The following SFMBT2 variants were observed in gnomAD, a reference collection of about 807,000 sequenced individuals.
SFMBT2 encodes Scm like with four mbt domains 2.
In SFMBT2, 38 loss-of-function variants were observed where a neutral mutation model predicts 110.1. The observed-to-expected ratio is 0.35, with a 90% CI of 0.27 to 0.45. The LOEUF is 0.45. Ranked by LOEUF, SFMBT2 falls within the 20% of genes least tolerant of loss-of-function variation. The pLI, the probability that SFMBT2 is intolerant of heterozygous loss-of-function variation, is 1.00. For synonymous variants in SFMBT2, 425 were observed against 425.4 expected (o/e 1.00, Z 0.01); for missense variants, 1,011 against 1,094.9 (o/e 0.92, Z 1.08).
intron 9 of SFMBT2, among the ~76,000 whole-genome samples, chr10:7,236,045 G>C (rs1349859051): frequency 6.6e-6 from 1 of 152,080 alleles, no homozygotes; most frequent in Non-Finnish European, 1.5e-5. Context: ...TTTTGAGACA[G>C]TTTAGAAAGG....
intron 15 of SFMBT2, among the ~76,000 whole-genome samples, chr10:7,195,251 T>C (rs181741345): frequency 1.3e-5 from 2 of 152,330 alleles, no homozygotes; most frequent in East Asian, 1.9e-4. Flanking sequence ...TCTGTTTGGA[T>C]TGAGTTTAGT....
At chr10:7,166,183 T>C (rs1365921126) in intron 20 of SFMBT2, among the ~76,000 whole-genome samples, 1 of 152,248 alleles carries the variant, frequency 6.6e-6, no homozygotes, top group Non-Finnish European at 1.5e-5. Flanking sequence ...AGAACTTATT[T>C]TACTTTCCCA....
In SFMBT2 at chr10:7,171,631, C is replaced by A; in HGVS notation, c.2415+264G>T. 4.2e-6 allele frequency: 4 copies of A among 948,500 alleles called. No homozygotes were observed. Among genetic ancestry groups the A allele is most frequent in the Non-Finnish European group, 5.0e-6 (4 of 796,462 alleles). The allele number at this position is 948,500 out of a possible 1,614,324, so 58.8% of individuals were successfully genotyped here. On this transcript the variant is annotated intron_variant, in intron 19 of 20. Transcript: ENST00000397167. This position sits in a 1 kb window ranked among gnomAD's most constrained non-coding sequence, Gnocchi z 4.9. Reference sequence around the variant, plus strand: ...CAAAGGAAACTGAGGACTGTGCCCTCCTCCTGACAAGAACCCAGGTGGCAC... The same window carrying A: ...CAAAGGAAACTGAGGACTGTGCCCTACTCCTGACAAGAACCCAGGTGGCAC...
At chr10:7,313,345 A>C (rs1187430647) in intron 4 of SFMBT2, among the ~76,000 whole-genome samples, 1 of 152,210 alleles carries the variant, frequency 6.6e-6, no homozygotes, top group Admixed American at 6.5e-5. Context: ...ACATATCCAT[A>C]CTGCACAGAA....
chr10:7,386,231 C>G (rs1845600768), intron 1 of SFMBT2, among the ~76,000 whole-genome samples: 1 of 152,160 alleles, frequency 6.6e-6, no homozygotes, highest in African/African-American at 2.4e-5. Context: ...TTAAAGAACA[C>G]AACTCCATCT....
chr10:7,348,531 C>A (rs1844194786), intron 4 of SFMBT2, among the ~76,000 whole-genome samples: 1 of 152,144 alleles, frequency 6.6e-6, no homozygotes, highest in Admixed American at 6.5e-5. Flanking sequence ...TTAGGAAAAC[C>A]TTCAAAATCA....
intron 7 of SFMBT2, 36 bp from the exon 8 acceptor site, chr10:7,248,685 G>T (rs1402253479): frequency 1.3e-6 from 2 of 1,595,338 alleles, no homozygotes; most frequent in Admixed American, 3.4e-5. Context: ...GAAAGCCACG[G>T]TATTGTAAAT....
intron 4 of SFMBT2, among the ~76,000 whole-genome samples, chr10:7,336,767 T>C (rs1441679937): frequency 6.6e-6 from 1 of 151,996 alleles, no homozygotes; most frequent in Non-Finnish European, 1.5e-5. Context: ...GTAACAAATT[T>C]ATGAGAAGGT....
intron 4 of SFMBT2, among the ~76,000 whole-genome samples, chr10:7,366,941 G>C (rs567910306): frequency 1.6e-4 from 24 of 152,242 alleles, no homozygotes; most frequent in African/African-American, 5.1e-4. Context: ...GGTGTCCCCT[G>C]GGGGGTAAAA....
intron 2 of SFMBT2, among the ~76,000 whole-genome samples, chr10:7,379,398 TA>T (rs1386754449): frequency 6.6e-6 from 1 of 150,760 alleles, no homozygotes; most frequent in Non-Finnish European, 1.5e-5. Flanking sequence ...GAATCATACT[TA>T]ATAGTTTGAA....
At chr10:7,267,025 T>A (rs1841416280) in intron 7 of SFMBT2, among the ~76,000 whole-genome samples, 1 of 152,224 alleles carries the variant, frequency 6.6e-6, no homozygotes, top group African/African-American at 2.4e-5. Flanking sequence ...GTGTCTAAAC[T>A]GTGTGTACAA....
At chr10:7,213,338 A>G (rs1839416123) in intron 11 of SFMBT2, among the ~76,000 whole-genome samples, 1 of 152,216 alleles carries the variant, frequency 6.6e-6, no homozygotes, top group Non-Finnish European at 1.5e-5. Flanking sequence ...TCAAAGCCCC[A>G]TGAAGAGGGC....
chr10:7,218,102 A>T (rs1278757144), intron 11 of SFMBT2, among the ~76,000 whole-genome samples: 2 of 152,258 alleles, frequency 1.3e-5, no homozygotes, highest in Admixed American at 6.5e-5. Context: ...CTTCAAATCA[A>T]TTTAATGCAC....
intron 9 of SFMBT2, among the ~76,000 whole-genome samples, chr10:7,230,467 T>C (rs934431708): frequency 1.2e-4 from 18 of 152,190 alleles, no homozygotes; most frequent in African/African-American, 4.3e-4. Context: ...TGTAGAAGAA[T>C]TAGCCTCAAG....
At chr10:7,366,931 G>T (rs764963073) in intron 4 of SFMBT2, among the ~76,000 whole-genome samples, 29 of 152,184 alleles carry the variant, frequency 1.9e-4, no homozygotes, top group Non-Finnish European at 3.7e-4. Flanking sequence ...GATATTGCCA[G>T]GTGTCCCCTG....
chr10:7,162,962 G>A lies in SFMBT2; in HGVS notation c.*808C>T. 6.5e-6 allele frequency: 1 copy of A among 152,774 alleles called. No individual in the cohort carries two copies. Among genetic ancestry groups the A allele is most frequent in the African/African-American group, 2.4e-5 (1 of 41,552 alleles). 9.5% of individuals were successfully genotyped at this position (152,774 alleles called of 1,614,324 possible). On this transcript the variant is annotated 3_prime_UTR_variant, in exon 21 of 21. Transcript: ENST00000397167. ...TACCAAAAATACAAAAATTAGCCAG[G>A]CATGGTGGTGGGTGCCTGTAATCCC...
intron 4 of SFMBT2, among the ~76,000 whole-genome samples, chr10:7,350,938 G>T (rs1216097764): frequency 1.3e-5 from 2 of 152,202 alleles, no homozygotes; most frequent in Non-Finnish European, 2.9e-5. Flanking sequence ...TGGATCTGTG[G>T]ATGGGGCTAT....
intron 4 of SFMBT2, among the ~76,000 whole-genome samples, chr10:7,363,942 C>T (rs1406819317): frequency 6.6e-6 from 1 of 152,008 alleles, no homozygotes; most frequent in Non-Finnish European, 1.5e-5. Flanking sequence ...TCATATTCTG[C>T]GGTGCCTTTC....
chr10:7,348,968 T>C (rs769091350), intron 4 of SFMBT2, among the ~76,000 whole-genome samples: 1 of 152,124 alleles, frequency 6.6e-6, no homozygotes, highest in Non-Finnish European at 1.5e-5. Context: ...AAAAAGGACA[T>C]TTGGATGAGA....
Sources: gnomAD v4.1 joint callset for allele counts (sites outside exome capture counted in the v4.1 genomes callset) on GRCh38, gnomAD v4.1.1 for gene constraint, Gnocchi (gnomAD v3.1) non-coding constraint, MANE v1.5 for transcripts, NCBI Gene and HGNC (gene_info 2026-07-23, HGNC 2026-07-21) for gene names.